The following ABCB11 variants were observed in gnomAD, a reference collection of about 807,000 sequenced individuals.
The protein encoded by ABCB11 is ATP binding cassette subfamily B member 11, also known as bile salt export pump.
In ABCB11, 95 loss-of-function variants were observed where a neutral mutation model predicts 148.0. That is an observed-to-expected ratio of 0.64 (90% CI 0.54 to 0.76). The LOEUF (loss-of-function observed/expected upper bound fraction) is 0.76. Among genes scored for constraint, ABCB11 ranks in the 30% least tolerant of loss-of-function variants. The pLI, the probability that ABCB11 is intolerant of heterozygous loss-of-function variation, is 0.00. For synonymous variants in ABCB11, 591 were observed against 555.4 expected, an observed-to-expected ratio of 1.06 and a Z score of -0.90; for missense variants, 1,523 against 1,617.8, an observed-to-expected ratio of 0.94 and a Z score of 1.01.
chr2:168,969,991 G>T, intron 15 of ABCB11, 54 bp downstream of exon 15: 1 of 1,191,056 alleles, frequency 8.4e-7, no homozygotes, highest in Non-Finnish European at 1.2e-6. Context: ...CTTTCCTGCA[G>T]CAGCACAAGC....
chr2:168,985,335 T>C (rs1694278607), intron 10 of ABCB11, among the ~76,000 whole-genome samples: 1 of 152,136 alleles, frequency 6.6e-6, no homozygotes, highest in Non-Finnish European at 1.5e-5. Flanking sequence ...GAAAACAGTA[T>C]GGAAATTCCT....
chr2:168,944,905 TAGGCACAC>T lies in ABCB11; in HGVS notation c.2392_2399del (p.Val798ThrfsTer22). The T allele has an allele frequency of 6.3e-7, 1 of 1,576,788 alleles. No individual in the cohort carries two copies. The highest frequency in any genetic ancestry group is 8.6e-7 in the Non-Finnish European group (1 of 1,159,394). On this transcript the variant is annotated frameshift_variant, in exon 20 of 28. Transcript: ENST00000650372. LOFTEE classifies it high-confidence loss of function. ...ATACACAGCCCATTGCTACAAAAAG[TAGGCACAC>T]ACCATTGATCTGTGACCTTTGTTCC...
At chr2:169,010,245 G>T (rs1260511185) in intron 5 of ABCB11, among the ~76,000 whole-genome samples, 1 of 152,100 alleles carries the variant, frequency 6.6e-6, no homozygotes, top group African/African-American at 2.4e-5. Context: ...TTGGATAAAA[G>T]AAAATAAAAT....
intron 26 of ABCB11, among the ~76,000 whole-genome samples, chr2:168,925,676 A>G (rs2105879046): frequency 6.6e-6 from 1 of 152,292 alleles, no homozygotes; most frequent in Admixed American, 6.5e-5. Context: ...CTTGCCTTCC[A>G]CAACACGAGC....
rs757224691 is a variant in ABCB11, at chr2:168,970,205, G to T, written c.1649C>A (p.Thr550Asn). 1.9e-6 allele frequency: 3 copies of T among 1,611,444 alleles called. No homozygotes were observed. The highest frequency in any genetic ancestry group is 2.5e-6 in the Non-Finnish European group (3 of 1,178,500). Residue 550 changes from threonine to asparagine, a missense_variant, in exon 15 of 28, where the codon ACC becomes AAC. Transcript: ENST00000650372. ...CTGGCCTCCTCCTTCTCCAACAAGG[G>T]TGTCAAATTGCTAGATGGAAGGTGA... ...FIMDLPQQFD[T>N]LVGEGGGQMS...
intron 23 of ABCB11, among the ~76,000 whole-genome samples, chr2:168,934,424 C>A (rs1046439175): frequency 2.6e-5 from 4 of 152,180 alleles, no homozygotes; most frequent in Admixed American, 6.5e-5. Flanking sequence ...ATGTGTACCT[C>A]GTTCCCCAGT....
chr2:168,970,014 A>G, intron 15 of ABCB11, 31 bp downstream of exon 15: 1 of 1,397,534 alleles, frequency 7.2e-7, no homozygotes, highest in Non-Finnish European at 9.6e-7. Flanking sequence ...TTCCACATGG[A>G]CCTGTAAAAT....
Position 168,975,781 on chromosome 2 carries a change from TATATATATCACATATATATC to T in ABCB11, c.1308+776_1308+795del, listed in dbSNP as rs1341170286. Among the ~76,000 whole-genome samples, 9 of 147,912 alleles carry T rather than the reference TATATATATCACATATATATC, an allele frequency of 6.1e-5. 1 individual carries two copies. Among genetic ancestry groups the T allele is most frequent in the African/African-American group, 1.2e-4 (5 of 40,534 alleles). ...TCATATATATATCACAGATATATGATATATATATCACATATATATCATATATATCACATATATATATGATA... is the reference window on the plus strand; with the variant it reads ...TCATATATATATCACAGATATATGATATATATATCACATATATATATGATA... On this transcript the variant is annotated intron_variant, in intron 12 of 27. Transcript: ENST00000650372.
At chr2:168,951,381 A>G (rs948402583) in intron 19 of ABCB11, among the ~76,000 whole-genome samples, 2 of 151,768 alleles carry the variant, frequency 1.3e-5, no homozygotes, top group African/African-American at 2.4e-5. Flanking sequence ...CTTCCAATCC[A>G]TGAGCATGGG....
chr2:168,941,921 C>G (rs530477217), intron 21 of ABCB11, among the ~76,000 whole-genome samples: 17 of 152,054 alleles, frequency 1.1e-4, no homozygotes, highest in African/African-American at 4.1e-4. Flanking sequence ...TTTATATGCA[C>G]TAGGAAGTGA....
At chr2:169,003,049 G>A (rs1010588937) in intron 5 of ABCB11, among the ~76,000 whole-genome samples, 7 of 151,880 alleles carry the variant, frequency 4.6e-5, no homozygotes, top group African/African-American at 1.7e-4. Context: ...TTTTAGAATG[G>A]TGCACCCATC....
chr2:168,947,860 C>T (rs1692397135), intron 19 of ABCB11, among the ~76,000 whole-genome samples: 1 of 151,668 alleles, frequency 6.6e-6, no homozygotes, highest in African/African-American at 2.4e-5. Flanking sequence ...TTCTGGTTGT[C>T]ACCAGAAGAA....
chr2:168,991,993 A>G (rs948072560), intron 8 of ABCB11, among the ~76,000 whole-genome samples: 1 of 151,258 alleles, frequency 6.6e-6, no homozygotes, highest in Non-Finnish European at 1.5e-5. Context: ...ACATGCCACC[A>G]TGCCTGGCTA....
intron 15 of ABCB11, 98 bp from the exon 16 acceptor site, chr2:168,969,649 G>A (rs1558894529): frequency 1.8e-6 from 2 of 1,096,046 alleles, no homozygotes; most frequent in South Asian, 1.6e-5. Flanking sequence ...TTAGATCCTT[G>A]GTCCCTGGGA....
In ABCB11 at chr2:168,995,332, T is replaced by C. The variant is rs1247898979; in HGVS notation, c.611+17A>G. 6.2e-7 allele frequency: 1 copy of C among 1,610,204 alleles called. No individual in the cohort carries two copies. The highest frequency in any genetic ancestry group is 2.2e-5 in the East Asian group (1 of 44,746). The stretch of plus-strand genomic sequence containing the variant: ...CCAAAAATCACACACTAAAATACTG[T>C]TTTACCAGCTACTTACTCAGAGAAT... On this transcript the variant is annotated intron_variant, in intron 7 of 27. Transcript: ENST00000650372.
intron 1 of ABCB11, among the ~76,000 whole-genome samples, chr2:169,021,535 AT>A (rs1695539654): frequency 6.6e-6 from 1 of 152,148 alleles, no homozygotes; most frequent in South Asian, 2.1e-4. Flanking sequence ...GTAATGAAAA[AT>A]TTAAACACAA....
In ABCB11 at chr2:168,969,419, C is replaced by T. The variant is rs1461620540; in HGVS notation, c.1942G>A (p.Gly648Ser). ...GTHEELLERK[G>S]VYFTLVTLQS... ...AAAGTCACTAGAGTGAAGTAAACAC[C>T]TTTCCTTTCCAGTAATTCTTCATGG... Residue 648 changes from glycine (G) to serine (S), a missense_variant, in exon 16 of 28, where the codon GGT (glycine) becomes AGT (serine). Physicochemically the swap from Gly to Ser is moderately conservative, Grantham distance 56 (BLOSUM62 0). Coordinates refer to ENST00000650372, the MANE Select transcript of ABCB11 (RefSeq NM_003742.4). 4 of 1,612,594 alleles carry T rather than the reference C, an allele frequency of 2.5e-6. No individual in the cohort carries two copies. Among genetic ancestry groups the T allele is most frequent in the South Asian group, 1.1e-5 (1 of 91,008 alleles).
chr2:169,016,507 T>C (rs562635130), intron 3 of ABCB11, among the ~76,000 whole-genome samples: 1 of 152,336 alleles, frequency 6.6e-6, no homozygotes, highest in South Asian at 2.1e-4. Flanking sequence ...ATTATACTTG[T>C]TGTTCAACTT....
intron 26 of ABCB11, among the ~76,000 whole-genome samples, chr2:168,925,525 A>AT (rs1174418933): frequency 1.3e-5 from 2 of 152,174 alleles, no homozygotes; most frequent in African/African-American, 4.8e-5. Flanking sequence ...TACCCACACT[A>AT]TTTTTTAGAT....
Sources: gnomAD v4.1 joint callset for allele counts (sites outside exome capture counted in the v4.1 genomes callset) on GRCh38, gnomAD v4.1.1 for gene constraint, MANE v1.5 for transcripts, NCBI Gene and HGNC (gene_info 2026-07-23, HGNC 2026-07-21) for gene names.